Variants in SRP54 observed in about 807,000 individuals in gnomAD.
The protein encoded by SRP54 is signal recognition particle 54.
SRP54 carries 10 observed loss-of-function variants against 64.8 expected under a neutral mutation model. The ratio of observed to expected loss-of-function variants is 0.15; its 90% CI spans 0.10 to 0.26. SRP54 has a LOEUF of 0.26. Among genes scored for constraint, SRP54 ranks in the 10% least tolerant of loss-of-function variants. SRP54 has a pLI of 1.00. For synonymous variants in SRP54, 193 were observed against 185.6 expected (o/e 1.04, Z -0.32); for missense variants, 325 against 613.7 (o/e 0.53, Z 4.97).
chr14:35,022,831 T>G, intron 13 of SRP54, 79 bp from the exon 14 acceptor site: 1 of 1,194,908 alleles, frequency 8.4e-7, no homozygotes, highest in Non-Finnish European at 1.1e-6. Flanking sequence ...CTCTTTGAAG[T>G]TATATATTGC....
Position 35,019,648 on chromosome 14 carries a change from G to C in SRP54, c.1156+574G>C, listed in dbSNP as rs145270551. ...TTTCTGTCTGAAACATAAGAATTCA[G>C]TTTTCTCAGTATACTGCTCTGTTCC... On this transcript the variant is annotated intron_variant, in intron 13 of 15. Transcript: ENST00000216774. 3.2e-3 allele frequency among the ~76,000 whole-genome samples: 488 copies of C among 152,266 alleles called. 3 individuals carry two copies. Among genetic ancestry groups the C allele is most frequent in the African/African-American group, 0.011 (474 of 41,556 alleles).
chr14:34,998,392 A>C (rs777553688), intron 2 of SRP54, among the ~76,000 whole-genome samples: 9 of 152,176 alleles, frequency 5.9e-5, no homozygotes, highest in Admixed American at 1.3e-4. Flanking sequence ...CAAACATATG[A>C]TGATAATAAG....
intron 5 of SRP54, among the ~76,000 whole-genome samples, chr14:35,007,621 T>C (rs1206362888): frequency 1.6e-5 from 2 of 122,692 alleles, no homozygotes; most frequent in Non-Finnish European, 3.6e-5. Context: ...AAATATATTT[T>C]ATTAAAATAT....
chr14:35,028,003 T>G, intron 14 of SRP54, 85 bp from the exon 15 acceptor site: 1 of 709,256 alleles, frequency 1.4e-6, no homozygotes, highest in Non-Finnish European at 2.3e-6. Context: ...ATTTTCTCAG[T>G]TCATCAAACT....
Position 35,026,034 on chromosome 14 carries a change from C to T in SRP54, c.1328-2054C>T, listed in dbSNP as rs1367333861. Among the ~76,000 whole-genome samples the T allele has an allele frequency of 5.2e-4, 73 of 141,604 alleles. 1 individual carries two copies. Among genetic ancestry groups the T allele is most frequent in the African/African-American group, 1.7e-3 (66 of 37,912 alleles). The allele number at this position is 141,604 out of a possible 152,430, so 92.9% of individuals were successfully genotyped here. ...TCAGAGCACTGCATTCCAGCCTGGG[C>T]GACAGAGCAAGAGCCTGTCTCAAAA... On this transcript the variant is annotated intron_variant, in intron 14 of 15. Coordinates refer to ENST00000216774, the MANE Select transcript of SRP54 (RefSeq NM_003136.4).
rs1011890852 is a variant in SRP54, at chr14:35,011,579, A to G, written c.556A>G (p.Ile186Val). The G allele has an allele frequency of 8.2e-6, 13 of 1,587,040 alleles. No homozygotes were observed. The highest frequency in any genetic ancestry group is 1.1e-5 in the Non-Finnish European group (13 of 1,163,334). ...VEKFKNENFE[I>V]IIVDTSGRHK... ...GAAATTTAAAAATGAAAATTTTGAA[A>G]TTATTATTGTTGATACAAGTGGCCG... is the stretch of plus-strand genomic sequence containing the variant. The change falls in exon 8 of 16, where the codon ATT (isoleucine) becomes GTT (valine). Residue 186 changes from isoleucine (I) to valine (V), a missense_variant. Physicochemically the swap from Ile to Val is conservative, Grantham distance 29. This residue lies in a region of SRP54 where 156 missense variants were observed against 254.6 expected (regional missense o/e 0.61). Transcript: ENST00000216774.
chr14:35,013,650 C>A, intron 9 of SRP54, 152 bp from the exon 10 acceptor site: 2 of 1,042,500 alleles, frequency 1.9e-6, no homozygotes, highest in Non-Finnish European at 2.8e-6. Context: ...TGGAGCCTGT[C>A]TGATATAGGT....
rs1366815802 is a variant in SRP54 at position 35,008,312 on chromosome 14, G to A, written c.361-315G>A. ...CTTCACGTATGTTACAGTTTGAGAG[G>A]GAAAAAGAGAAAAGGATGATTTTTA... On this transcript the variant is annotated intron_variant, in intron 5 of 15. Transcript: ENST00000216774. Among the ~76,000 whole-genome samples, 4 of 152,176 alleles carry A rather than the reference G, an allele frequency of 2.6e-5. No individual in the cohort carries two copies. In the East Asian group the frequency reaches 7.7e-4, roughly 29 times the overall value.
At chr14:34,991,716 T>C (rs537708383) in intron 1 of SRP54, among the ~76,000 whole-genome samples, 1 of 133,924 alleles carries the variant, frequency 7.5e-6, no homozygotes, top group African/African-American at 2.8e-5. Context: ...AAATCAGTCA[T>C]GCGTGTGTGT....
At chr14:35,003,841 G>A (rs1013653735) in intron 4 of SRP54, among the ~76,000 whole-genome samples, 3 of 151,892 alleles carry the variant, frequency 2.0e-5, no homozygotes, top group Non-Finnish European at 4.4e-5. Flanking sequence ...GGGTAAGGTG[G>A]GAGAATCGCT....
chr14:35,016,547 T>A (rs1227106075), intron 11 of SRP54, among the ~76,000 whole-genome samples: 1 of 152,208 alleles, frequency 6.6e-6, no homozygotes, highest in Admixed American at 6.5e-5. Flanking sequence ...TACTTGCACT[T>A]CAGATTTCTC....
At chr14:35,017,124 A>G (rs799458) in intron 11 of SRP54, among the ~76,000 whole-genome samples, 86,417 of 151,546 alleles carry the variant, frequency 0.57, 26,022 homozygotes, top group East Asian at 0.75. Flanking sequence ...CAAAGTGCTG[A>G]GATTACAGGC....
intron 13 of SRP54, among the ~76,000 whole-genome samples, chr14:35,022,137 T>A (rs9322942): frequency 0.35 from 52,369 of 151,694 alleles, 9,629 homozygotes; most frequent in East Asian, 0.69. Flanking sequence ...ATATTTAGGG[T>A]AGAGCTAAAG....
intron 3 of SRP54, 131 bp from the exon 4 acceptor site, chr14:35,000,805 C>A: frequency 4.6e-6 from 2 of 431,550 alleles, no homozygotes; most frequent in South Asian, 6.8e-5. Flanking sequence ...TAATTACATG[C>A]ATGTTAATTG....
chr14:34,990,116 A>C (rs949021930), intron 1 of SRP54, among the ~76,000 whole-genome samples: 1 of 152,130 alleles, frequency 6.6e-6, no homozygotes, highest in Non-Finnish European at 1.5e-5. Context: ...GCCTGTTTCT[A>C]TTGCTTACTA....
intron 11 of SRP54, among the ~76,000 whole-genome samples, chr14:35,016,801 A>G (rs541542997): frequency 6.9e-6 from 1 of 144,662 alleles, no homozygotes; most frequent in African/African-American, 2.6e-5. Context: ...GAATGAATGA[A>G]TTTATCCTTT....
In SRP54 at chr14:35,008,842, G is replaced by GT. The variant is rs757347548; in HGVS notation, c.485+17dup. On this transcript the variant is annotated intron_variant, in intron 7 of 15. Coordinates refer to ENST00000216774, the MANE Select transcript of SRP54 (RefSeq NM_003136.4). ...TCCATTTTATGGAAGGTAGGTTACT[G>GT]TTTTTTATTTTAACACTTATATCCC... 7.8e-7 allele frequency: 1 copy of GT among 1,282,430 alleles called. No individual in the cohort carries two copies. Among genetic ancestry groups the GT allele is most frequent in the East Asian group, 2.9e-5 (1 of 34,382 alleles). The allele number at this position is 1,282,430 out of a possible 1,614,324, so 79.4% of individuals were successfully genotyped here.
In SRP54 at chr14:35,023,061, T is replaced by C. The variant is rs769047182; in HGVS notation, c.1308T>C (p.Gly436=). 2 of 1,607,634 alleles carry C rather than the reference T, an allele frequency of 1.2e-6. No individual in the cohort carries two copies. Among genetic ancestry groups the C allele is most frequent in the Non-Finnish European group, 8.5e-7 (1 of 1,176,854 alleles). ...CACAGATGGTAAAAAAGATGGGAGG[T>C]ATCAAAGGACTTTTCAAAGGTAAGA... ...KFAQMVKKMG[G]IKGLFKGGDM... The change falls in exon 14 of 16, where the codon GGT becomes GGC. Residue 436 remains glycine, a synonymous_variant. Coordinates refer to ENST00000216774, the MANE Select transcript of SRP54 (RefSeq NM_003136.4).
rs1245625338 is a variant in SRP54 at position 34,987,284 on chromosome 14, T to TACAC, written c.-34+4070_-34+4071insCACA. 1.5e-4 allele frequency among the ~76,000 whole-genome samples: 19 copies of TACAC among 127,160 alleles called. No individual in the cohort carries two copies. The East Asian group carries it at 1.9e-3, about 13-fold the overall frequency. 83.4% of individuals were successfully genotyped at this position (127,160 alleles called of 152,430 possible). ...ATGTGTGTGTGTGTGTGTATATATA[T>TACAC]ATACACACACACACACACATAATTC... On this transcript the variant is annotated intron_variant, in intron 1 of 15. Transcript: ENST00000216774.
Sources: gnomAD v4.1 joint callset for allele counts (sites outside exome capture counted in the v4.1 genomes callset) on GRCh38, gnomAD v4.1.1 for gene constraint, gnomAD v4.1.1 regional missense constraint, MANE v1.5 for transcripts, NCBI Gene and HGNC (gene_info 2026-07-23, HGNC 2026-07-21) for gene names.